Variants in POPDC3 observed in about 807,000 individuals in gnomAD.
POPDC3 encodes popeye domain cAMP effector 3, also known as popeye domain-containing protein 3.
A neutral mutation model predicts 28.2 loss-of-function variants in POPDC3; 20 were observed. That is an observed-to-expected ratio of 0.71 (90% CI 0.50 to 1.03). The LOEUF (loss-of-function observed/expected upper bound fraction) is 1.03. POPDC3 is among the 50% of genes least tolerant of loss of function. The pLI is 0.00. For synonymous variants in POPDC3, 118 were observed against 124.1 expected, an observed-to-expected ratio of 0.95 and a Z score of 0.33; for missense variants, 316 against 345.9, an observed-to-expected ratio of 0.91 and a Z score of 0.69.
chr6:105,161,567 G>A lies in POPDC3; in HGVS notation c.343C>T (p.Leu115Phe), dbSNP rs770149413. Reference sequence around the variant, plus strand: ...AAAGAGATCCCCAGGGGCTGGAAAAGGGAGCTGTACAACACTTGGAATTCT... The same window carrying A: ...AAAGAGATCCCCAGGGGCTGGAAAAAGGAGCTGTACAACACTTGGAATTCT... The part of the protein sequence containing the change: ...AREFQVLYSS[L>F]FQPLGISLPV... The change falls in exon 2 of 4, where the codon CTT becomes TTT. Residue 115 changes from leucine to phenylalanine, a missense_variant. Physicochemically the swap from Leu to Phe is conservative, Grantham distance 22. Coordinates refer to ENST00000254765, the MANE Select transcript of POPDC3 (RefSeq NM_022361.5). 2 of 1,614,140 alleles carry A rather than the reference G, an allele frequency of 1.2e-6. No individual in the cohort carries two copies. Among genetic ancestry groups the A allele is most frequent in the South Asian group, 2.2e-5 (2 of 91,086 alleles).
intron 1 of POPDC3, chr6:105,177,212 A>G (rs1774697464): frequency 6.6e-6 from 1 of 152,212 alleles, no homozygotes; most frequent in Non-Finnish European, 1.5e-5. Context: ...TCCACTCCCT[A>G]TATAGTACAT....
chr6:105,169,753 T>C (rs748558844), intron 1 of POPDC3: 3 of 152,168 alleles, frequency 2.0e-5, no homozygotes, highest in Non-Finnish European at 2.9e-5. Context: ...GCAGATAGTT[T>C]TATTGTCCAG....
At chr6:105,176,609 T>C (rs932707075) in intron 1 of POPDC3, among the ~76,000 whole-genome samples, 2 of 152,084 alleles carry the variant, frequency 1.3e-5, no homozygotes, top group Admixed American at 6.6e-5. Context: ...CAGGCTGGAG[T>C]GCGGTGGCGC....
At chr6:105,175,853 T>G (rs192325663) in intron 1 of POPDC3, among the ~76,000 whole-genome samples, 2,944 of 151,558 alleles carry the variant, frequency 0.019, 52 homozygotes, top group African/African-American at 0.05. Flanking sequence ...AAAAAATAAA[T>G]AAAGAAAGAA....
intron 1 of POPDC3, among the ~76,000 whole-genome samples, chr6:105,176,373 G>A (rs1441714396): frequency 2.0e-5 from 3 of 152,166 alleles, no homozygotes; most frequent in Admixed American, 6.5e-5. Context: ...TGAGCTGGCC[G>A]CCTGTGATTG....
At position 105,158,282 on chromosome 6, in the gene POPDC3, C is replaced by A. The variant is rs911143272; in HGVS notation, c.*188G>T. On this transcript the variant is annotated 3_prime_UTR_variant, in exon 4 of 4. Coordinates refer to ENST00000254765, the MANE Select transcript of POPDC3 (RefSeq NM_022361.5). The stretch of plus-strand genomic sequence containing the variant: ...TCCCCAATTATAACAATGAGAAATA[C>A]AAGAAAAATTTGTAAAGTTTATTCA... The A allele has an allele frequency of 1.9e-6, 1 of 527,444 alleles. No individual in the cohort carries two copies. 32.7% of individuals were successfully genotyped at this position (527,444 alleles called of 1,614,324 possible).
At chr6:105,177,059 T>TA (rs200302428) in intron 1 of POPDC3, 5 of 353,644 alleles carry the variant, frequency 1.4e-5, no homozygotes, top group South Asian at 1.2e-4. Context: ...TATAAACATT[T>TA]AAAAAAATCC....
chr6:105,167,604 A>G (rs539062882), intron 1 of POPDC3, among the ~76,000 whole-genome samples: 1 of 152,032 alleles, frequency 6.6e-6, no homozygotes, highest in South Asian at 2.1e-4. Flanking sequence ...AAAATTAGCC[A>G]GATGTGATGG....
At chr6:105,166,555 T>C (rs1482489172) in intron 1 of POPDC3, 1 of 471,148 alleles carries the variant, frequency 2.1e-6, no homozygotes, top group African/African-American at 2.0e-5. Context: ...GCCAGAAAGG[T>C]ACATTTCCTC....
chr6:105,160,434 G>A (rs1193716461), intron 2 of POPDC3, among the ~76,000 whole-genome samples: 1 of 91,622 alleles, frequency 1.1e-5, no homozygotes, highest in African/African-American at 3.2e-5. Context: ...GGCTGGTCTC[G>A]AACTCCTGAC....
intron 1 of POPDC3, among the ~76,000 whole-genome samples, chr6:105,165,584 TG>T (rs1228415633): frequency 6.6e-6 from 1 of 152,168 alleles, no homozygotes. Context: ...GGCACAGAAT[TG>T]GGGGGCTCCA....
intron 1 of POPDC3, among the ~76,000 whole-genome samples, chr6:105,165,413 C>A (rs1190289): frequency 0.92 from 140,540 of 152,244 alleles, 65,010 homozygotes; most frequent in Non-Finnish European, 0.96. Context: ...CTGAAATTCT[C>A]AGGGGCAGCA....
chr6:105,169,184 TTAA>T (rs1184362662), intron 1 of POPDC3: 4 of 152,240 alleles, frequency 2.6e-5, no homozygotes, highest in South Asian at 4.1e-4. Context: ...AGGCTTTTCA[TTAA>T]TAATCTATAT....
At chr6:105,169,452 T>A (rs1482484574) in intron 1 of POPDC3, 2 of 152,180 alleles carry the variant, frequency 1.3e-5, no homozygotes, top group East Asian at 3.8e-4. Context: ...GTTATGACAT[T>A]GATATACCAA....
At chr6:105,168,293 T>TGAGCA (rs1266919230) in intron 1 of POPDC3, among the ~76,000 whole-genome samples, 71 of 152,374 alleles carry the variant, frequency 4.7e-4, no homozygotes, top group Middle Eastern at 6.8e-3. Flanking sequence ...TTTCATCTTC[T>TGAGCA]GATATGGATT....
chr6:105,167,943 C>G (rs1398608595), intron 1 of POPDC3, among the ~76,000 whole-genome samples: 1 of 152,012 alleles, frequency 6.6e-6, no homozygotes, highest in African/African-American at 2.4e-5. Flanking sequence ...TAGAGTCTCT[C>G]AAGTAACAGA....
intron 3 of POPDC3, 91 bp from the exon 4 acceptor site, chr6:105,158,842 G>A (rs953537178): frequency 1.0e-5 from 12 of 1,175,804 alleles, no homozygotes; most frequent in African/African-American, 6.1e-5. Flanking sequence ...TTAATTTCAC[G>A]TGCTGCCTTT....
In POPDC3 at chr6:105,161,905, T is replaced by C; in HGVS notation, c.5A>G (p.Glu2Gly). The change falls in exon 2 of 4, where the codon GAA becomes GGA. Residue 2 changes from glutamate to glycine, a missense_variant. Transcript: ENST00000254765. M[E>G]RNSSLWKNLI... is the part of the protein sequence containing the mutation. Reference sequence around the variant, plus strand: ...GTTCTTCCATAAACTTGAATTTCTTTCCATGGCTGTATTACTGCCTGCTTC... The same window carrying C: ...GTTCTTCCATAAACTTGAATTTCTTCCCATGGCTGTATTACTGCCTGCTTC... 1.9e-6 allele frequency: 3 copies of C among 1,595,492 alleles called. No individual in the cohort carries two copies. The highest frequency in any genetic ancestry group is 2.6e-6 in the Non-Finnish European group (3 of 1,172,176).
intron 1 of POPDC3, among the ~76,000 whole-genome samples, chr6:105,173,991 G>A (rs967952708): frequency 6.6e-6 from 1 of 152,128 alleles, no homozygotes; most frequent in Non-Finnish European, 1.5e-5. Context: ...TACACTTCAG[G>A]AATATAAAGG....
Sources: gnomAD v4.1 joint callset for allele counts (sites outside exome capture counted in the v4.1 genomes callset) on GRCh38, gnomAD v4.1.1 for gene constraint, MANE v1.5 for transcripts, NCBI Gene and HGNC (gene_info 2026-07-23, HGNC 2026-07-21) for gene names.